GMDS: variants seen among roughly 807,000 people sequenced by gnomAD.
The protein encoded by GMDS is GDP-mannose 4,6 dehydratase.
GMDS carries 20 observed loss-of-function variants against 49.9 expected under a neutral mutation model. The observed-to-expected ratio is 0.40, with a 90% CI of 0.28 to 0.58. GMDS has a LOEUF of 0.58. Ranked by LOEUF, GMDS falls within the 20% of genes least tolerant of loss-of-function variation. GMDS has a pLI of 0.42. For missense variants in GMDS, 362 were observed against 481.4 expected (o/e 0.75, Z 2.32); for synonymous variants, 177 against 178.6 (o/e 0.99, Z 0.07).
chr6:2,049,631 T>C (rs1770257340), intron 4 of GMDS, among the ~76,000 whole-genome samples: 2 of 151,982 alleles, frequency 1.3e-5, no homozygotes, highest in African/African-American at 2.4e-5. Flanking sequence ...ATGGGCCCAG[T>C]GGAATCACTA....
At chr6:1,671,657 TTTTAATTAC>T (rs1324008293) in intron 9 of GMDS, among the ~76,000 whole-genome samples, 1 of 139,116 alleles carries the variant, frequency 7.2e-6, no homozygotes, top group Non-Finnish European at 1.5e-5. Flanking sequence ...TTTGCCATAC[TTTTAATTAC>T]TTTTTTTTTT....
At chr6:1,934,915 G>A (rs1762453660) in intron 6 of GMDS, among the ~76,000 whole-genome samples, 1 of 152,144 alleles carries the variant, frequency 6.6e-6, no homozygotes, top group Admixed American at 6.5e-5. Context: ...GTCAGGACAA[G>A]TAGCCGAGCC....
chr6:1,717,214 T>C (rs559392795), intron 9 of GMDS, among the ~76,000 whole-genome samples: 117 of 152,350 alleles, frequency 7.7e-4, no homozygotes, highest in African/African-American at 2.7e-3. Context: ...TGAATCTGGG[T>C]AGTTTTAAGC....
rs1050822856 is a variant in GMDS, at chr6:2,138,687, G to A, written c.103-13956C>T. Among the ~76,000 whole-genome samples the A allele has an allele frequency of 5.9e-5, 9 of 152,180 alleles. No homozygotes were observed. In the East Asian group the frequency reaches 1.2e-3, roughly 20 times the overall value. On this transcript the variant is annotated intron_variant, in intron 1 of 10. Coordinates refer to ENST00000380815, the MANE Select transcript of GMDS (RefSeq NM_001500.4). ...AGCCTCTTTTCTTTATAAGTTACAC[G>A]GTCTCAGGTATTCCTTTACAGTAAT...
chr6:1,941,897 A>G (rs1306833716), intron 6 of GMDS, among the ~76,000 whole-genome samples: 1 of 152,120 alleles, frequency 6.6e-6, no homozygotes, highest in Non-Finnish European at 1.5e-5. Context: ...TTCCTGCTCA[A>G]ATCTTAAACA....
intron 7 of GMDS, among the ~76,000 whole-genome samples, chr6:1,890,329 C>T (rs35946812): frequency 0.079 from 12,090 of 152,156 alleles, 527 homozygotes; most frequent in South Asian, 0.15. Flanking sequence ...ACTAATGGTG[C>T]GGCACATCTT....
intron 4 of GMDS, among the ~76,000 whole-genome samples, chr6:2,104,027 A>G (rs1215756289): frequency 6.6e-6 from 1 of 152,176 alleles, no homozygotes; most frequent in African/African-American, 2.4e-5. Context: ...GTGGACTGAC[A>G]TTTCCTCTTT....
intron 7 of GMDS, among the ~76,000 whole-genome samples, chr6:1,798,371 T>C (rs951272330): frequency 2.0e-5 from 3 of 152,198 alleles, no homozygotes; most frequent in African/African-American, 7.2e-5. Flanking sequence ...TAAGTCACTG[T>C]AGTGGATAAT....
Position 1,853,470 on chromosome 6 carries a change from A to T in GMDS, c.771+76633T>A, listed in dbSNP as rs1404648467. The stretch of plus-strand genomic sequence containing the variant: ...GAGGCGGAGCTTGCAGTGAGCTGAG[A>T]TCGCGCCACTGCACTCCAGCCTGGG... On this transcript the variant is annotated intron_variant, in intron 7 of 10. Coordinates refer to ENST00000380815, the MANE Select transcript of GMDS (RefSeq NM_001500.4). Among the ~76,000 whole-genome samples, 4 of 143,366 alleles carry T rather than the reference A, an allele frequency of 2.8e-5. No individual in the cohort carries two copies. In the Admixed American group the frequency reaches 2.9e-4, roughly 10 times the overall value. The allele number at this position is 143,366 out of a possible 152,430, so 94.1% of individuals were successfully genotyped here. A position where few individuals can be genotyped will look rare whatever the true frequency, so the allele number is the denominator to read the frequency against.
At chr6:2,238,525 CT>C (rs1363167928) in intron 1 of GMDS, among the ~76,000 whole-genome samples, 1 of 152,190 alleles carries the variant, frequency 6.6e-6, no homozygotes, top group Non-Finnish European at 1.5e-5. Flanking sequence ...CTACATACCC[CT>C]AACTGCATTC....
intron 1 of GMDS, among the ~76,000 whole-genome samples, chr6:2,162,463 T>A (rs1024820918): frequency 5.9e-5 from 9 of 152,060 alleles, no homozygotes; most frequent in Admixed American, 3.3e-4. Flanking sequence ...ATTTTTTCCT[T>A]ATACCTCTGG....
chr6:1,694,292 C>T (rs910812562), intron 9 of GMDS, among the ~76,000 whole-genome samples: 1 of 152,144 alleles, frequency 6.6e-6, no homozygotes, highest in Non-Finnish European at 1.5e-5. Flanking sequence ...TAGGGTGGAT[C>T]TCAATTTTAG....
At chr6:1,698,243 T>C (rs1765411067) in intron 9 of GMDS, among the ~76,000 whole-genome samples, 1 of 152,192 alleles carries the variant, frequency 6.6e-6, no homozygotes, top group South Asian at 2.1e-4. Flanking sequence ...TATCTACACA[T>C]ATACATACAC....
rs1340375490 is a variant in GMDS at position 1,693,054 on chromosome 6, G to C, written c.987+33362C>G. Among the ~76,000 whole-genome samples the C allele has an allele frequency of 2.0e-5, 3 of 152,256 alleles. No homozygotes were observed. In the East Asian group the frequency reaches 5.8e-4, roughly 29 times the overall value. ...TTACTTGGAAGCAGCGGTACTTTTGGCTCCTCCTTTCGTGATTTGTTAGGC... is the reference window on the plus strand; with the variant it reads ...TTACTTGGAAGCAGCGGTACTTTTGCCTCCTCCTTTCGTGATTTGTTAGGC... On this transcript the variant is annotated intron_variant, in intron 9 of 10. Coordinates refer to ENST00000380815, the MANE Select transcript of GMDS (RefSeq NM_001500.4).
At chr6:2,206,837 A>G (rs2127580198) in intron 1 of GMDS, among the ~76,000 whole-genome samples, 1 of 152,296 alleles carries the variant, frequency 6.6e-6, no homozygotes, top group South Asian at 2.1e-4. Flanking sequence ...TTGTTTAGGA[A>G]CAGTACAGAT....
At chr6:1,988,735 AT>A (rs1200336348) in intron 4 of GMDS, among the ~76,000 whole-genome samples, 1 of 152,236 alleles carries the variant, frequency 6.6e-6, no homozygotes, top group Non-Finnish European at 1.5e-5. Context: ...TTTTTAAAAA[AT>A]AACAAAAGAA....
chr6:1,952,315 A>G (rs1763382486), intron 6 of GMDS, among the ~76,000 whole-genome samples: 1 of 152,226 alleles, frequency 6.6e-6, no homozygotes, highest in Non-Finnish European at 1.5e-5. Context: ...AGAAGTACAC[A>G]TGAATTTCAT....
intron 7 of GMDS, among the ~76,000 whole-genome samples, chr6:1,885,676 C>T (rs773952459): frequency 2.6e-5 from 4 of 152,156 alleles, no homozygotes; most frequent in African/African-American, 7.2e-5. Context: ...GTGGGCTGCC[C>T]GCTTCCCACG....
At chr6:2,100,466 A>T (rs939863234) in intron 4 of GMDS, among the ~76,000 whole-genome samples, 3 of 152,068 alleles carry the variant, frequency 2.0e-5, no homozygotes, top group Non-Finnish European at 2.9e-5. Flanking sequence ...ATGTTTCAAT[A>T]AGATACCTCT....
Sources: allele counts gnomAD v4.1 joint callset (sites outside exome capture counted in the v4.1 genomes callset), GRCh38; gene constraint gnomAD v4.1.1; transcripts MANE v1.5; gene names NCBI Gene and HGNC (gene_info 2026-07-23, HGNC 2026-07-21).